The following SEMA5A variants were observed in gnomAD, a reference collection of about 807,000 sequenced individuals.
The protein encoded by SEMA5A is semaphorin 5A, also known as semaphorin-5A.
Under a neutral mutation model 135.5 loss-of-function variants are expected in SEMA5A, and 55 were observed. The observed-to-expected ratio is 0.41, with a 90% CI of 0.33 to 0.51. The LOEUF (loss-of-function observed/expected upper bound fraction) is 0.51, where lower values mean the gene tolerates loss of function less well. Ranked by LOEUF, SEMA5A falls within the 20% of genes least tolerant of loss-of-function variation. The probability of loss-of-function intolerance (pLI) is 0.37; values close to 1 mark genes in which losing one functional copy is unlikely to be tolerated. For missense variants in SEMA5A, 1,290 were observed against 1,419.9 expected (o/e 0.91, Z 1.47); for synonymous variants, 580 against 546.5 (o/e 1.06, Z -0.85).
At chr5:9,152,553 T>C (rs1742687783) in intron 12 of SEMA5A, among the ~76,000 whole-genome samples, 1 of 152,172 alleles carries the variant, frequency 6.6e-6, no homozygotes, top group Non-Finnish European at 1.5e-5. Flanking sequence ...CTCAACTCTC[T>C]CTCTCATTTC....
chr5:9,263,804 T>G (rs1164793868), intron 5 of SEMA5A, among the ~76,000 whole-genome samples: 1 of 152,226 alleles, frequency 6.6e-6, no homozygotes, highest in African/African-American at 2.4e-5. Flanking sequence ...CTAAAGAAGA[T>G]GTTCTCATGG....
intron 3 of SEMA5A, among the ~76,000 whole-genome samples, chr5:9,352,660 G>A (rs1754180070): frequency 6.6e-6 from 1 of 152,198 alleles, no homozygotes; most frequent in Admixed American, 6.5e-5. Flanking sequence ...ATAATATTGT[G>A]AATTTAGTGA....
chr5:9,299,787 T>C (rs1390163909), intron 5 of SEMA5A, among the ~76,000 whole-genome samples: 1 of 152,136 alleles, frequency 6.6e-6, no homozygotes, highest in Admixed American at 6.5e-5. Flanking sequence ...GAAAACATAG[T>C]GTGCTTACTC....
intron 11 of SEMA5A, among the ~76,000 whole-genome samples, chr5:9,184,404 C>G (rs560104904): frequency 6.6e-6 from 1 of 152,072 alleles, no homozygotes; most frequent in African/African-American, 2.4e-5. Flanking sequence ...TCCTTTATTG[C>G]AGGGTAATTT....
At chr5:9,053,905 G>A (rs1736736578) in intron 19 of SEMA5A, 182 bp downstream of exon 19, 1 of 582,752 alleles carries the variant, frequency 1.7e-6, no homozygotes, top group Non-Finnish European at 2.8e-6. Flanking sequence ...ATAGCTCAGT[G>A]AGAACTATTT....
intron 1 of SEMA5A, among the ~76,000 whole-genome samples, chr5:9,481,781 C>T (rs990969965): frequency 6.6e-6 from 1 of 152,144 alleles, no homozygotes; most frequent in Non-Finnish European, 1.5e-5. Flanking sequence ...CACAGAAAGG[C>T]CACTGACAAG....
chr5:9,244,823 G>A (rs2150472961), intron 5 of SEMA5A, among the ~76,000 whole-genome samples: 1 of 152,288 alleles, frequency 6.6e-6, no homozygotes, highest in African/African-American at 2.4e-5. Flanking sequence ...CCTACCACGT[G>A]TTGCACCTCT....
intron 2 of SEMA5A, among the ~76,000 whole-genome samples, chr5:9,429,867 G>A (rs549517949): frequency 3.3e-5 from 5 of 152,340 alleles, no homozygotes; most frequent in African/African-American, 1.2e-4. Flanking sequence ...GGCGCACCAA[G>A]GGAGGAAGCT....
chr5:9,475,704 A>G (rs995924727), intron 1 of SEMA5A, among the ~76,000 whole-genome samples: 7 of 152,198 alleles, frequency 4.6e-5, no homozygotes, highest in Non-Finnish European at 1.0e-4. Flanking sequence ...GGTATTGTTA[A>G]AAGTTTGACT....
In SEMA5A at chr5:9,350,972, C is replaced by T. The variant is rs558672965; in HGVS notation, c.125-13160G>A. Among the ~76,000 whole-genome samples the T allele has an allele frequency of 4.4e-4, 67 of 152,344 alleles. No homozygotes were observed. The Middle Eastern group carries it at 0.014, about 31-fold the overall frequency. On this transcript the variant is annotated intron_variant, in intron 3 of 22. Transcript: ENST00000382496. ...ACTGGAGACCACCAACTCAAAGCTT[C>T]TCCCTCTTGTGATGATAAGCACAGT... is the stretch of plus-strand genomic sequence containing the variant.
chr5:9,173,051 C>A (rs1430135946), intron 11 of SEMA5A, among the ~76,000 whole-genome samples: 1 of 151,898 alleles, frequency 6.6e-6, no homozygotes, highest in African/African-American at 2.4e-5. Context: ...GTGTTGATTG[C>A]TCTTAAATGG....
At chr5:9,431,984 T>A (rs1757871601) in intron 2 of SEMA5A, among the ~76,000 whole-genome samples, 1 of 152,156 alleles carries the variant, frequency 6.6e-6, no homozygotes, top group Non-Finnish European at 1.5e-5. Flanking sequence ...TTGGCAGACA[T>A]TCACCTAAAC....
intron 13 of SEMA5A, among the ~76,000 whole-genome samples, chr5:9,124,440 AG>A (rs1740996226): frequency 6.6e-6 from 1 of 152,122 alleles, no homozygotes; most frequent in African/African-American, 2.4e-5. Context: ...AGAAGGCCTA[AG>A]TCTAAGCCTC....
chr5:9,498,549 G>A (rs1173707718), intron 1 of SEMA5A: 7 of 152,112 alleles, frequency 4.6e-5, no homozygotes, highest in Non-Finnish European at 1.0e-4. Flanking sequence ...GTGGAAGGTG[G>A]TTGATCATTG....
chr5:9,085,445 G>A (rs1738627786), intron 16 of SEMA5A, among the ~76,000 whole-genome samples: 1 of 152,158 alleles, frequency 6.6e-6, no homozygotes, highest in African/African-American at 2.4e-5. Context: ...CTGCATCCCA[G>A]CCACTCTAGC....
intron 11 of SEMA5A, among the ~76,000 whole-genome samples, chr5:9,169,855 T>A (rs1279411046): frequency 6.6e-6 from 1 of 152,202 alleles, no homozygotes; most frequent in East Asian, 1.9e-4. Flanking sequence ...TACTCATTAG[T>A]TCATTTGCTC....
At chr5:9,224,246 G>T (rs1747166378) in intron 8 of SEMA5A, among the ~76,000 whole-genome samples, 1 of 152,082 alleles carries the variant, frequency 6.6e-6, no homozygotes, top group South Asian at 2.1e-4. Context: ...ACTTTTTGGA[G>T]TTACCTATAG....
chr5:9,468,663 A>C lies in SEMA5A; in HGVS notation c.-174-30811T>G, dbSNP rs142613299. 1.7e-3 allele frequency among the ~76,000 whole-genome samples: 259 copies of C among 151,794 alleles called. 1 individual carries two copies. Among genetic ancestry groups the C allele is most frequent in the African/African-American group, 5.9e-3 (244 of 41,318 alleles). On this transcript the variant is annotated intron_variant, in intron 1 of 22. Transcript: ENST00000382496. The stretch of plus-strand genomic sequence containing the variant: ...TTCAAATCCTTGAATACCATCCAAA[A>C]ATCTGATTTAAATGGCTACATAGCA...
chr5:9,230,777 G>A (rs539516852), intron 6 of SEMA5A, among the ~76,000 whole-genome samples: 1 of 152,206 alleles, frequency 6.6e-6, no homozygotes, highest in African/African-American at 2.4e-5. Context: ...AGTGTAGTTG[G>A]CCCCAGCCTT....
Sources: allele counts gnomAD v4.1 joint callset (sites outside exome capture counted in the v4.1 genomes callset), GRCh38; gene constraint gnomAD v4.1.1; transcripts MANE v1.5; gene names NCBI Gene and HGNC (gene_info 2026-07-23, HGNC 2026-07-21).